Variants in ZNF665 observed in about 807,000 individuals in gnomAD.
ZNF665 encodes the protein zinc finger protein 665.
ZNF665 carries 6 observed loss-of-function variants against 7.9 expected under a neutral mutation model. That is an observed-to-expected ratio of 0.76 (90% CI 0.42 to 1.50). ZNF665 has a LOEUF of 1.50. Among genes scored for constraint, ZNF665 ranks in the 40% most tolerant of loss-of-function variants. The probability of loss-of-function intolerance (pLI) is 0.01; values close to 1 mark genes in which losing one functional copy is unlikely to be tolerated. For missense variants in ZNF665, 819 were observed against 806.7 expected (o/e 1.02, Z -0.18); for synonymous variants, 242 against 274.5 (o/e 0.88, Z 1.17).
At chr19:53,171,524 A>ATATATATATTTTTTTTTTT (rs372855271) in intron 3 of ZNF665, among the ~76,000 whole-genome samples, 3 of 69,318 alleles carry the variant, frequency 4.3e-5, no homozygotes, top group African/African-American at 1.0e-4. Context: ...ATATATATAT[A>ATATATATATTTTTTTTTTT]TTTTTTTTTT....
Position 53,182,944 on chromosome 19 carries a change from C to T in ZNF665, c.-45-1G>A, listed in dbSNP as rs2090749256. On this transcript the variant is annotated splice_acceptor_variant, in intron 1 of 3. Transcript: ENST00000396424. LOFTEE classifies it low-confidence loss of function (5UTR_SPLICE). Reference sequence around the variant, plus strand: ...TCTTCCTCTTCTTCCAGGGTTCTACCTTGGGTAACATGAAAGAGACTTTAG... The same window carrying T: ...TCTTCCTCTTCTTCCAGGGTTCTACTTTGGGTAACATGAAAGAGACTTTAG... 6.2e-7 allele frequency: 1 copy of T among 1,604,660 alleles called. No homozygotes were observed.
intron 3 of ZNF665, among the ~76,000 whole-genome samples, chr19:53,171,504 G>GTGTATATATATATA (rs140482885): frequency 1.6e-4 from 9 of 57,776 alleles, no homozygotes; most frequent in Admixed American, 6.0e-4. Context: ...GTGTGTGTGT[G>GTGTATATATATATA]TATATATATA....
rs749455417 is a variant in ZNF665 at position 53,165,522 on chromosome 19, C to T, written c.968G>A (p.Cys323Tyr). 5.8e-5 allele frequency: 93 copies of T among 1,613,870 alleles called. No homozygotes were observed. Among genetic ancestry groups the T allele is most frequent in the Non-Finnish European group, 7.8e-5 (92 of 1,179,922 alleles). The stretch of plus-strand genomic sequence containing the variant: ...TGAGCGAACACTAAAGGCTTTGCCA[C>T]ACTCATTACACTTGTAAGGCTTCTC... ...TGEKPYKCNE[C>Y]GKAFSVRSSL... Residue 323 changes from cysteine to tyrosine, a missense_variant, in exon 4 of 4, where the codon TGT (cysteine) becomes TAT (tyrosine). Cys to Tyr is a radical substitution (Grantham distance 194). Coordinates refer to ENST00000396424, the MANE Select transcript of ZNF665 (RefSeq NM_024733.5).
Position 53,165,537 on chromosome 19 carries a change from T to C in ZNF665, c.953A>G (p.Tyr318Cys), listed in dbSNP as rs2090604663. ...GGCTTTGCCACACTCATTACACTTG[T>C]AAGGCTTCTCCCCAGTATGAATTCT... The part of the protein sequence containing the change: ...HRRIHTGEKP[Y>C]KCNECGKAFS... Residue 318 changes from tyrosine to cysteine, a missense_variant, in exon 4 of 4, where the codon TAC (tyrosine) becomes TGC (cysteine). Coordinates refer to ENST00000396424, the MANE Select transcript of ZNF665 (RefSeq NM_024733.5). 1.2e-6 allele frequency: 2 copies of C among 1,614,056 alleles called. No homozygotes were observed. The highest frequency in any genetic ancestry group is 1.7e-5 in the Admixed American group (1 of 60,010).
Position 53,182,957 on chromosome 19 carries a change from AAAGAGACTT to A in ZNF665, c.-45-23_-45-15del, listed in dbSNP as rs770096928. 7 of 1,598,350 alleles carry A rather than the reference AAAGAGACTT, an allele frequency of 4.4e-6. No homozygotes were observed. The highest frequency in any genetic ancestry group is 5.1e-6 in the Non-Finnish European group (6 of 1,174,588). Reference sequence around the variant, plus strand: ...CCAGGGTTCTACCTTGGGTAACATGAAAGAGACTTTAGAATTCAATCCTGAATGTCAAAA... The same window carrying A: ...CCAGGGTTCTACCTTGGGTAACATGATAGAATTCAATCCTGAATGTCAAAA... On this transcript the variant is annotated splice_polypyrimidine_tract_variant and intron_variant, in intron 1 of 3. Coordinates refer to ENST00000396424, the MANE Select transcript of ZNF665 (RefSeq NM_024733.5).
intron 3 of ZNF665, among the ~76,000 whole-genome samples, chr19:53,175,096 G>A (rs1358657038): frequency 6.6e-6 from 1 of 152,046 alleles, no homozygotes; most frequent in Non-Finnish European, 1.5e-5. Context: ...GTTGATCCAC[G>A]GAATGCCTCC....
At chr19:53,190,806 C>T (rs754419574) in intron 1 of ZNF665, among the ~76,000 whole-genome samples, 2 of 152,094 alleles carry the variant, frequency 1.3e-5, no homozygotes, top group African/African-American at 4.8e-5. Flanking sequence ...TGGTGGCGGA[C>T]GCCTGTAATC....
chr19:53,172,646 G>A (rs555659260), intron 3 of ZNF665, among the ~76,000 whole-genome samples: 1 of 152,102 alleles, frequency 6.6e-6, no homozygotes, highest in Admixed American at 6.6e-5. Context: ...CCAATGTGGT[G>A]AAACCCTGTC....
At chr19:53,184,337 T>A (rs2090760879) in intron 1 of ZNF665, among the ~76,000 whole-genome samples, 1 of 152,172 alleles carries the variant, frequency 6.6e-6, no homozygotes, top group African/African-American at 2.4e-5. Context: ...TCGCAAATAA[T>A]GTCATATCTT....
Position 53,165,023 on chromosome 19 carries a change from A to G in ZNF665, c.1467T>C (p.Asp489=), listed in dbSNP as rs1438561346. 1.9e-6 allele frequency: 3 copies of G among 1,614,130 alleles called. No individual in the cohort carries two copies. Among genetic ancestry groups the G allele is most frequent in the Non-Finnish European group, 2.5e-6 (3 of 1,180,016 alleles). The change falls in exon 4 of 4, where the codon GAT becomes GAC. Residue 489 remains aspartate, a synonymous_variant. Transcript: ENST00000396424. The stretch of plus-strand genomic sequence containing the variant: ...TTTGACTGAAGGCTTTACCACATTC[A>G]TCACACTTGTAAGGTTTCTCTCCAG... ...IHSGEKPYKC[D]ECGKAFSQTS... is the part of the protein sequence containing the mutation.
chr19:53,182,707 C>A, intron 2 of ZNF665, 177 bp downstream of exon 2: 1 of 1,222,920 alleles, frequency 8.2e-7, no homozygotes, highest in South Asian at 1.3e-5. Context: ...AAGTTCATGT[C>A]ACTGGGTCAC....
chr19:53,179,407 T>C (rs1339730771), intron 2 of ZNF665, among the ~76,000 whole-genome samples: 1 of 146,484 alleles, frequency 6.8e-6, no homozygotes, highest in Non-Finnish European at 1.5e-5. Context: ...AAAGTGGCTA[T>C]GAGTTTATGA....
rs749761595 is a variant in ZNF665 at position 53,165,334 on chromosome 19, G to A, written c.1156C>T (p.His386Tyr). 1 of 1,613,850 alleles carries A rather than the reference G, an allele frequency of 6.2e-7. No individual in the cohort carries two copies. Among genetic ancestry groups the A allele is most frequent in the South Asian group, 1.1e-5 (1 of 91,078 alleles). The change falls in exon 4 of 4, where the codon CAT (histidine) becomes TAT (tyrosine). Residue 386 changes from histidine to tyrosine, a missense_variant. By Grantham distance (83) the His-to-Tyr change is moderately conservative. Transcript: ENST00000396424. ...CNECGKAFSM[H>Y]SNLTKHQIIH... ...ATCTGATGCTTAGTTAAGTTTGAAT[G>A]CATACTGAAGGCTTTCCCACACTCA...
At chr19:53,177,013 G>A (rs1054786515) in intron 2 of ZNF665, among the ~76,000 whole-genome samples, 1 of 152,252 alleles carries the variant, frequency 6.6e-6, no homozygotes, top group East Asian at 1.9e-4. Flanking sequence ...CAGTTACTTG[G>A]GAAGCTGAAG....
chr19:53,166,159 T>A lies in ZNF665; in HGVS notation c.331A>T (p.Thr111Ser), dbSNP rs2090613511. The A allele has an allele frequency of 6.2e-7, 1 of 1,613,944 alleles. No homozygotes were observed. The highest frequency in any genetic ancestry group is 8.5e-7 in the Non-Finnish European group (1 of 1,179,886). The change falls in exon 4 of 4, where the codon ACA becomes TCA. Residue 111 changes from threonine to serine, a missense_variant. Thr to Ser is a moderately conservative substitution (Grantham distance 58). Transcript: ENST00000396424. ...TTTTCTTTTTGCAACATAAGTACTG[T>A]TTTATAATTTCCTTCATCATCTTTC... ...QWKDDEGNYK[T>S]VLMLQKENLP...
chr19:53,189,444 A>G (rs1048067163), intron 1 of ZNF665, among the ~76,000 whole-genome samples: 1 of 148,536 alleles, frequency 6.7e-6, no homozygotes, highest in East Asian at 2.0e-4. Context: ...AATGATAGGT[A>G]AGGTCACGTG....
rs201807429 is a variant in ZNF665, at chr19:53,165,166, G to A, written c.1324C>T (p.Arg442Ter). The change falls in exon 4 of 4, where the codon CGA becomes TGA. Residue 442 changes from arginine (R) to a stop codon, truncating the protein, a stop_gained. Coordinates refer to ENST00000396424, the MANE Select transcript of ZNF665 (RefSeq NM_024733.5). LOFTEE classifies it low-confidence loss of function (END_TRUNC). ...GCCTGATGGGTAGTTAGGCTTGATC[G>A]CACACTAAAGGCTTTGCCACACTCA... The part of the protein sequence containing the change: ...CDECGKAFSV[R>*]SSLTTHQAIH... 2.9e-4 allele frequency: 463 copies of A among 1,613,978 alleles called. 2 individuals carry two copies. In the African/African-American group the frequency reaches 4.5e-3, roughly 16 times the overall value.
chr19:53,182,000 G>T (rs937839386), intron 2 of ZNF665: 24 of 152,280 alleles, frequency 1.6e-4, no homozygotes, highest in Admixed American at 5.2e-4. Context: ...GAGAGGAAAA[G>T]TATGAAAACA....
At chr19:53,171,528 T>A (rs374056593) in intron 3 of ZNF665, among the ~76,000 whole-genome samples, 295 of 65,742 alleles carry the variant, frequency 4.5e-3, no homozygotes, top group East Asian at 0.019. Context: ...ATATATATTT[T>A]TTTTTTTTTT....
Sources: gnomAD v4.1 joint callset for allele counts (sites outside exome capture counted in the v4.1 genomes callset) on GRCh38, gnomAD v4.1.1 for gene constraint, MANE v1.5 for transcripts, NCBI Gene and HGNC (gene_info 2026-07-23, HGNC 2026-07-21) for gene names.